Variants in TPR observed in about 807,000 individuals in gnomAD.
TPR encodes the protein translocated promoter region, nuclear basket protein, also known as nucleoprotein TPR.
A neutral mutation model predicts 316.1 loss-of-function variants in TPR; 51 were observed. The ratio of observed to expected loss-of-function variants is 0.16; its 90% CI spans 0.13 to 0.20. TPR has a LOEUF of 0.20. TPR is among the 10% of genes least tolerant of loss of function. The probability of loss-of-function intolerance (pLI) is 1.00; values close to 1 mark genes in which losing one functional copy is unlikely to be tolerated. For missense variants in TPR, 2,272 were observed against 2,754.8 expected, an observed-to-expected ratio of 0.82 and a Z score of 3.92; for synonymous variants, 981 against 914.7, an observed-to-expected ratio of 1.07 and a Z score of -1.31.
At chr1:186,367,255 C>T (rs956542987) in intron 4 of TPR, among the ~76,000 whole-genome samples, 6 of 151,750 alleles carry the variant, frequency 4.0e-5, no homozygotes, top group African/African-American at 1.2e-4. Flanking sequence ...TTAGTAGAGA[C>T]GGGGTTTCAC....
chr1:186,325,915 C>G, intron 41 of TPR, 61 bp from the exon 42 acceptor site: 2 of 1,588,874 alleles, frequency 1.3e-6, no homozygotes, highest in Non-Finnish European at 1.7e-6. Context: ...AAAAACCGGA[C>G]AGAATAATTA....
intron 2 of TPR, 65 bp downstream of exon 2, chr1:186,373,294 T>C: frequency 8.9e-7 from 1 of 1,129,810 alleles, no homozygotes; most frequent in Non-Finnish European, 1.3e-6. Context: ...TTCCAAAGTA[T>C]ATAAAGGAGT....
At position 186,356,353 on chromosome 1, in the gene TPR, T is replaced by C. The variant is rs1293376154; in HGVS notation, c.1821A>G (p.Ile607Met). The C allele has an allele frequency of 6.2e-7, 1 of 1,613,796 alleles. No homozygotes were observed. Among genetic ancestry groups the C allele is most frequent in the Non-Finnish European group, 8.5e-7 (1 of 1,179,872 alleles). The change falls in exon 15 of 51, where the codon ATA (isoleucine) becomes ATG (methionine). Residue 607 changes from isoleucine to methionine, a missense_variant. This residue lies in a region of TPR where 757 missense variants were observed against 859.8 expected (regional missense o/e 0.88). Coordinates refer to ENST00000367478, the MANE Select transcript of TPR (RefSeq NM_003292.3). ...RQHQMQLVDS[I>M]VRQRDMYRIL... ...TACGGTACATATCACGCTGACGAAC[T>C]ATGGAATCAACAAGCTGCATTTGAT...
rs753867282 is a variant in TPR at position 186,325,816 on chromosome 1, T to G, written c.6060A>C (p.Glu2020Asp). The G allele has an allele frequency of 1.1e-5, 18 of 1,613,604 alleles. No individual in the cohort carries two copies. The South Asian group carries it at 1.9e-4, about 17-fold the overall frequency. ...GATTACCTTCACCTCCACCCATACT[T>G]TCTTCTGTTTCTGTACCTGGATCAG... ...DGTDPGTETE[E>D]SMGGGEGNHR... The change falls in exon 42 of 51, where the codon GAA becomes GAC. Residue 2020 changes from glutamate to aspartate, a missense_variant. By Grantham distance (45) the Glu-to-Asp change is conservative. Around this residue, in one of 10 missense-constraint regions of TPR, gnomAD observed 435 missense variants for 461.1 expected, o/e 0.94. Coordinates refer to ENST00000367478, the MANE Select transcript of TPR (RefSeq NM_003292.3).
intron 33 of TPR, 51 bp downstream of exon 33, chr1:186,336,445 A>G (rs749062233): frequency 9.5e-6 from 15 of 1,574,812 alleles, no homozygotes; most frequent in Admixed American, 1.7e-5. Context: ...TTAGGCCTGC[A>G]ACACATAATC....
At chr1:186,318,417 G>A (rs1392313418) in intron 48 of TPR, 30 bp downstream of exon 48, 2 of 1,593,414 alleles carry the variant, frequency 1.3e-6, no homozygotes, top group African/African-American at 2.7e-5. Context: ...TGAGACTAAA[G>A]CAAGCAAAAA....
intron 26 of TPR, 102 bp downstream of exon 26, chr1:186,343,804 T>C (rs1349036127): frequency 6.5e-6 from 7 of 1,069,170 alleles, no homozygotes; most frequent in East Asian, 2.6e-5. Context: ...GAATGAACTT[T>C]ATATCAAAAT....
At position 186,333,412 on chromosome 1, in the gene TPR, T is replaced by A; in HGVS notation, c.5183-18A>T. On this transcript the variant is annotated intron_variant, in intron 36 of 50. Transcript: ENST00000367478. Reference sequence around the variant, plus strand: ...CTGCATAGCTGAAAAATAATTATAATGCTGAATATAAGCCTTCTACTTTTA... The same window carrying A: ...CTGCATAGCTGAAAAATAATTATAAAGCTGAATATAAGCCTTCTACTTTTA... 1 of 1,611,144 alleles carries A rather than the reference T, an allele frequency of 6.2e-7. No individual in the cohort carries two copies. Among genetic ancestry groups the A allele is most frequent in the African/African-American group, 1.3e-5 (1 of 74,880 alleles).
intron 7 of TPR, 77 bp from the exon 8 acceptor site, chr1:186,361,946 T>C: frequency 6.9e-7 from 1 of 1,457,994 alleles, no homozygotes; most frequent in Non-Finnish European, 9.3e-7. Context: ...AGATGAAAAA[T>C]TCCATTTTTG....
chr1:186,366,222 C>T (rs2101989103), intron 4 of TPR, among the ~76,000 whole-genome samples: 1 of 152,284 alleles, frequency 6.6e-6, no homozygotes, highest in African/African-American at 2.4e-5. Context: ...TCTACCTCTG[C>T]AACCTGACCC....
rs183839515 is a variant in TPR, at chr1:186,364,031, T to C, written c.428-586A>G. Among the ~76,000 whole-genome samples, 67 of 152,324 alleles carry C rather than the reference T, an allele frequency of 4.4e-4. 1 individual carries two copies. The highest frequency in any genetic ancestry group is 1.4e-3 in the African/African-American group (57 of 41,572). ...CTGTATAGAATGCTGTGTGACTCTA[T>C]TGTGAGCAGTTTCTCTCTTCAGTAA... On this transcript the variant is annotated intron_variant, in intron 4 of 50. Coordinates refer to ENST00000367478, the MANE Select transcript of TPR (RefSeq NM_003292.3).
chr1:186,344,601 T>A, intron 24 of TPR, 23 bp from the exon 25 acceptor site: 4 of 1,462,980 alleles, frequency 2.7e-6, no homozygotes, highest in Non-Finnish European at 3.6e-6. Context: ...ATTACCCAAT[T>A]GATACCAAAG....
chr1:186,361,767 A>C (rs367926894), intron 8 of TPR, 22 bp downstream of exon 8: 1 of 1,613,086 alleles, frequency 6.2e-7, no homozygotes, highest in Admixed American at 1.7e-5. Flanking sequence ...TTAGATACTA[A>C]CATGTGTGGT....
chr1:186,328,629 T>C (rs1432993881), intron 39 of TPR, among the ~76,000 whole-genome samples: 1 of 152,122 alleles, frequency 6.6e-6, no homozygotes, highest in Non-Finnish European at 1.5e-5. Flanking sequence ...GGAAATGCAG[T>C]GAATAAATAA....
Position 186,346,963 on chromosome 1 carries a change from A to G in TPR, c.2943+329T>C, listed in dbSNP as rs550094004. 5.9e-5 allele frequency among the ~76,000 whole-genome samples: 9 copies of G among 152,224 alleles called. No homozygotes were observed. The South Asian group carries it at 1.9e-3, about 32-fold the overall frequency. On this transcript the variant is annotated intron_variant, in intron 22 of 50. Transcript: ENST00000367478. ...AATACCTTTCTACTCTATTTCCTAT[A>G]CAGATACCTTCATTCAAGGCTTTGC... is the stretch of plus-strand genomic sequence containing the variant.
In TPR at chr1:186,311,796, C is replaced by T. The variant is rs991109990; in HGVS notation, c.*2175G>A. 1.9e-5 allele frequency: 12 copies of T among 639,030 alleles called. No individual in the cohort carries two copies. The East Asian group carries it at 3.1e-4, about 16-fold the overall frequency. 39.6% of individuals were successfully genotyped at this position (639,030 alleles called of 1,614,324 possible). A position where few individuals can be genotyped will look rare whatever the true frequency, so the allele number is the denominator to read the frequency against. On this transcript the variant is annotated 3_prime_UTR_variant, in exon 51 of 51. Transcript: ENST00000367478. ...ATTTCTTCACAGGCAAGTCACAATT[C>T]ATTTGAGTTTTCAGGTCACTGATAG... is the stretch of plus-strand genomic sequence containing the variant.
chr1:186,312,071 G>T lies in TPR; in HGVS notation c.*1900C>A, dbSNP rs1657288570. On this transcript the variant is annotated 3_prime_UTR_variant, in exon 51 of 51. Transcript: ENST00000367478. ...AATATCAATATATTATATGAAAAAT[G>T]AGAACAAAACTGTTTCCTATACATT... The T allele has an allele frequency of 2.2e-6, 2 of 902,850 alleles. No homozygotes were observed. Among genetic ancestry groups the T allele is most frequent in the Non-Finnish European group, 3.5e-6 (2 of 575,174 alleles). 55.9% of individuals were successfully genotyped at this position (902,850 alleles called of 1,614,324 possible).
chr1:186,343,764 TAA>T (rs1472286112), intron 26 of TPR, 140 bp downstream of exon 26: 2 of 908,290 alleles, frequency 2.2e-6, no homozygotes, highest in Non-Finnish European at 1.6e-6. Flanking sequence ...GTGTAAATGT[TAA>T]AAGTTATGAG....
Position 186,343,923 on chromosome 1 carries a change from T to C in TPR, c.3585A>G (p.Gln1195=). 1 of 1,613,062 alleles carries C rather than the reference T, an allele frequency of 6.2e-7. No individual in the cohort carries two copies. Among genetic ancestry groups the C allele is most frequent in the Admixed American group, 1.7e-5 (1 of 59,880 alleles). Residue 1195 remains glutamine (Q), a synonymous_variant, in exon 26 of 51, where the codon CAA becomes CAG. Transcript: ENST00000367478. ...TGATTTACCTGAGAATTTCCAAAAT[T>C]TGTTCTTGAGATTTTCCTTCTTCAC... The part of the protein sequence containing the change: ...SLSEEGKSQE[Q]ILEILRFIRR...
Sources: gnomAD v4.1 joint callset for allele counts (sites outside exome capture counted in the v4.1 genomes callset) on GRCh38, gnomAD v4.1.1 for gene constraint, gnomAD v4.1.1 regional missense constraint, MANE v1.5 for transcripts, NCBI Gene and HGNC (gene_info 2026-07-23, HGNC 2026-07-21) for gene names.